ZNF208: variants seen among roughly 807,000 people sequenced by gnomAD.
The protein encoded by ZNF208 is zinc finger protein 95.
In ZNF208, 10 loss-of-function variants were observed where a neutral mutation model predicts 12.1. The ratio of observed to expected loss-of-function variants is 0.83; its 90% CI spans 0.51 to 1.40. ZNF208 has a LOEUF of 1.40. Among genes scored for constraint, ZNF208 ranks in the 40% most tolerant of loss-of-function variants. ZNF208 has a pLI of 0.00. For synonymous variants in ZNF208, 497 were observed against 488.4 expected (o/e 1.02, Z -0.23); for missense variants, 1,652 against 1,485.0 (o/e 1.11, Z -1.85).
chr19:22,007,243 G>C (rs1971060375), intron 1 of ZNF208, among the ~76,000 whole-genome samples: 1 of 152,054 alleles, frequency 6.6e-6, no homozygotes, highest in South Asian at 2.1e-4. Flanking sequence ...CTGAGGGCCG[G>C]GCACGGTGGC....
intron 3 of ZNF208, among the ~76,000 whole-genome samples, 176 bp from the exon 4 acceptor site, chr19:21,974,983 C>T (rs1054356659): frequency 2.0e-5 from 3 of 152,070 alleles, no homozygotes; most frequent in African/African-American, 4.8e-5. Context: ...GACCGAAATA[C>T]ATATGTGGAT....
downstream of ZNF208, among the ~76,000 whole-genome samples, chr19:21,964,392 T>C (rs1209571244): frequency 5.3e-5 from 8 of 151,818 alleles, no homozygotes; most frequent in African/African-American, 1.9e-4. Context: ...AAAGCAACTG[T>C]TTAGAGTAAA....
At position 21,970,546 on chromosome 19, in the gene ZNF208, C is replaced by A. The variant is rs1037624364; in HGVS notation, c.*645G>T. 38 of 625,490 alleles carry A rather than the reference C, an allele frequency of 6.1e-5. No individual in the cohort carries two copies. Among genetic ancestry groups the A allele is most frequent in the African/African-American group, 5.3e-4 (28 of 53,112 alleles). The allele number at this position is 625,490 out of a possible 1,614,324, so 38.7% of individuals were successfully genotyped here. A position where few individuals can be genotyped will look rare whatever the true frequency, so the allele number is the denominator to read the frequency against. On this transcript the variant is annotated 3_prime_UTR_variant, in exon 4 of 4. Transcript: ENST00000397126. ...TAGGGTTTTTCCTCCAGTATGAATT[C>A]TTTTATGAGTAGTAAGGTGTGAGGA...
Position 21,967,307 on chromosome 19 carries a change from T to C in ZNF208, c.*3884A>G, listed in dbSNP as rs1970189781. 6.6e-6 allele frequency: 1 copy of C among 152,134 alleles called. No individual in the cohort carries two copies. Among genetic ancestry groups the C allele is most frequent in the African/African-American group, 2.4e-5 (1 of 41,442 alleles). 9.4% of individuals were successfully genotyped at this position (152,134 alleles called of 1,614,324 possible). On this transcript the variant is annotated 3_prime_UTR_variant, in exon 4 of 4. Transcript: ENST00000397126. ...TATTACTTACTAAATAGGGAGTTAA[T>C]TCCCCTTTTGTTTATTTCTGTTGGC...
chr19:21,957,634 T>C (rs893870595), intron 4 of ZNF208, among the ~76,000 whole-genome samples: 2 of 152,122 alleles, frequency 1.3e-5, no homozygotes, highest in Non-Finnish European at 2.9e-5. Flanking sequence ...TACAAATCCA[T>C]GGCTTGGCCC....
intron 3 of ZNF208, among the ~76,000 whole-genome samples, chr19:21,975,310 G>C (rs1178638491): frequency 6.6e-6 from 1 of 152,190 alleles, no homozygotes; most frequent in African/African-American, 2.4e-5. Flanking sequence ...AGAAATGACA[G>C]TTTGAGTCTG....
rs1022044947 is a variant in ZNF208, at chr19:21,970,000, G to A, written c.*1191C>T. ...AGGCATGAGCACTGGTTAAATGTTT[G>A]TCACATTGTTTATTACAGTAGTTTT... is the stretch of plus-strand genomic sequence containing the variant. On this transcript the variant is annotated 3_prime_UTR_variant, in exon 4 of 4. Coordinates refer to ENST00000397126, the MANE Select transcript of ZNF208 (RefSeq NM_007153.3). Among the ~76,000 whole-genome samples the A allele has an allele frequency of 6.6e-6, 1 of 151,948 alleles. No homozygotes were observed. The highest frequency in any genetic ancestry group is 1.9e-4 in the East Asian group (1 of 5,184).
chr19:21,955,789 C>T (rs187049414), intron 4 of ZNF208, among the ~76,000 whole-genome samples: 45 of 152,262 alleles, frequency 3.0e-4, no homozygotes, highest in African/African-American at 8.4e-4. Flanking sequence ...TCCTTTAGCT[C>T]GGAGAAGTTT....
At position 21,977,100 on chromosome 19, in the gene ZNF208, A is replaced by G. The variant is rs140143925; in HGVS notation, c.227-2293T>C. Among the ~76,000 whole-genome samples, 1,173 of 152,376 alleles carry G rather than the reference A, an allele frequency of 7.7e-3. 9 individuals are homozygous for G. The highest frequency in any genetic ancestry group is 0.026 in the African/African-American group (1,099 of 41,590). On this transcript the variant is annotated intron_variant, in intron 3 of 3. Transcript: ENST00000397126. ...AAAGAGACAAAGAAAGATATTAAAA[A>G]TAATGGATTAACTCAGAACCTGTGA...
rs779654274 is a variant in ZNF208 at position 21,974,442 on chromosome 19, C to T, written c.592G>A (p.Glu198Lys). 6.2e-7 allele frequency: 1 copy of T among 1,613,638 alleles called. No homozygotes were observed. The highest frequency in any genetic ancestry group is 1.3e-5 in the African/African-American group (1 of 74,896). The part of the protein sequence containing the change: ...LSQHKRIYTR[E>K]NSYKCEEGGK... ...CCTTCTTCACATTTGTAGGAATTCT[C>T]TCTAGTATAAATTCTTTTATGTTGA... The change falls in exon 4 of 4, where the codon GAG (glutamate) becomes AAG (lysine). Residue 198 changes from glutamate (E) to lysine (K), a missense_variant. Coordinates refer to ENST00000397126, the MANE Select transcript of ZNF208 (RefSeq NM_007153.3).
rs1260617896 is a variant in ZNF208, at chr19:21,970,605, G to A, written c.*586C>T. ...AGTCTTTATCACATTCTTCACATTT[G>A]TAGGGCTTCTCACCAGTATGAATTC... is the stretch of plus-strand genomic sequence containing the variant. On this transcript the variant is annotated 3_prime_UTR_variant, in exon 4 of 4. Coordinates refer to ENST00000397126, the MANE Select transcript of ZNF208 (RefSeq NM_007153.3). 4.4e-6 allele frequency: 4 copies of A among 901,454 alleles called. No homozygotes were observed. The highest frequency in any genetic ancestry group is 7.0e-6 in the Non-Finnish European group (4 of 567,430). The allele number at this position is 901,454 out of a possible 1,614,324, so 55.8% of individuals were successfully genotyped here.
chr19:21,961,082 T>C (rs1970059327), intron 4 of ZNF208, among the ~76,000 whole-genome samples: 1 of 152,232 alleles, frequency 6.6e-6, no homozygotes, highest in Non-Finnish European at 1.5e-5. Context: ...CTGAATTGTG[T>C]ACCAGAAGTC....
chr19:21,956,255 G>A (rs979467735), intron 4 of ZNF208, among the ~76,000 whole-genome samples: 11 of 152,200 alleles, frequency 7.2e-5, no homozygotes, highest in African/African-American at 2.7e-4. Context: ...CTACTGGGAG[G>A]TGTCTCCCAG....
chr19:21,971,802 T>C lies in ZNF208; in HGVS notation c.3232A>G (p.Thr1078Ala). ...WPSRLTEHKA[T>A]HAGEEPYKCE... ...TTGTAGGGTTCCTCTCCAGCATGAGTTGCCTTATGTTCAGTAAGTCTTGAG... is the reference window on the plus strand; with the variant it reads ...TTGTAGGGTTCCTCTCCAGCATGAGCTGCCTTATGTTCAGTAAGTCTTGAG... The change falls in exon 4 of 4, where the codon ACT (threonine) becomes GCT (alanine). Residue 1078 changes from threonine (T) to alanine (A), a missense_variant. Physicochemically the swap from Thr to Ala is moderately conservative, Grantham distance 58. This residue lies in a region of ZNF208 where 1,239 missense variants were observed against 1,086.2 expected (regional missense o/e 1.14). Coordinates refer to ENST00000397126, the MANE Select transcript of ZNF208 (RefSeq NM_007153.3). 1.9e-6 allele frequency: 3 copies of C among 1,613,854 alleles called. No individual in the cohort carries two copies. The highest frequency in any genetic ancestry group is 2.5e-6 in the Non-Finnish European group (3 of 1,179,892).
At chr19:21,992,005 G>A (rs1194233580) in intron 1 of ZNF208, among the ~76,000 whole-genome samples, 2 of 150,770 alleles carry the variant, frequency 1.3e-5, no homozygotes, top group African/African-American at 2.5e-5. Context: ...TCCAGTAATT[G>A]AATGAGCCTG....
chr19:21,984,311 T>C (rs1970596243), intron 3 of ZNF208, among the ~76,000 whole-genome samples: 1 of 152,134 alleles, frequency 6.6e-6, no homozygotes, highest in African/African-American at 2.4e-5. Context: ...TCCCAGCACC[T>C]TGGAAGGCCA....
intron 3 of ZNF208, among the ~76,000 whole-genome samples, chr19:21,976,220 G>T (rs1970428729): frequency 6.6e-6 from 1 of 152,048 alleles, no homozygotes; most frequent in Admixed American, 6.6e-5. Flanking sequence ...AGCAACATCG[G>T]TGACAAATTT....
chr19:21,997,819 TGA>T (rs1568455622), intron 1 of ZNF208: 1 of 152,326 alleles, frequency 6.6e-6, no homozygotes, highest in Admixed American at 6.5e-5. Context: ...GAGACAGCTC[TGA>T]GAGTTCTCAC....
chr19:21,950,338 C>CA (rs1297476959), intron 4 of ZNF208, among the ~76,000 whole-genome samples: 2 of 151,962 alleles, frequency 1.3e-5, no homozygotes, highest in Non-Finnish European at 2.9e-5. Context: ...CTCAAGAAAA[C>CA]AAAAAAGCCA....
Sources: allele counts gnomAD v4.1 joint callset (sites outside exome capture counted in the v4.1 genomes callset), GRCh38; gene constraint gnomAD v4.1.1; regional missense constraint gnomAD v4.1.1; transcripts MANE v1.5; gene names NCBI Gene and HGNC (gene_info 2026-07-23, HGNC 2026-07-21).